Variants in NEK1 observed in about 807,000 individuals in gnomAD.
NEK1 encodes NIMA related kinase 1.
A neutral mutation model predicts 182.1 loss-of-function variants in NEK1; 137 were observed. The ratio of observed to expected loss-of-function variants is 0.75; its 90% CI spans 0.65 to 0.87. NEK1 has a LOEUF of 0.87. Among genes scored for constraint, NEK1 ranks in the 40% least tolerant of loss-of-function variants. NEK1 has a pLI of 0.00. For missense variants in NEK1, 1,391 were observed against 1,494.4 expected (o/e 0.93, Z 1.14); for synonymous variants, 513 against 492.2 (o/e 1.04, Z -0.56).
intron 26 of NEK1, among the ~76,000 whole-genome samples, chr4:169,472,348 T>A (rs1370321103): frequency 6.6e-6 from 1 of 152,122 alleles, no homozygotes; most frequent in African/African-American, 2.4e-5. Flanking sequence ...GCACCGTCCC[T>A]CACGGCACAG....
intron 31 of NEK1, among the ~76,000 whole-genome samples, chr4:169,412,342 G>A (rs1211247060): frequency 1.3e-5 from 2 of 152,174 alleles, no homozygotes; most frequent in Non-Finnish European, 2.9e-5. Context: ...CTTATCACCT[G>A]TCCTACCTTT....
chr4:169,576,012 G>A (rs1765634209), intron 12 of NEK1, among the ~76,000 whole-genome samples: 1 of 150,128 alleles, frequency 6.7e-6, no homozygotes, highest in African/African-American at 2.5e-5. Flanking sequence ...CACCCAGGCT[G>A]TAGTGCAGTG....
chr4:169,564,349 T>G (rs556804072), intron 12 of NEK1, among the ~76,000 whole-genome samples: 87 of 152,228 alleles, frequency 5.7e-4, no homozygotes, highest in African/African-American at 1.9e-3. Flanking sequence ...AGTAAAATAA[T>G]CCAGCATTTG....
chr4:169,608,003 A>G (rs1771671429), intron 2 of NEK1, among the ~76,000 whole-genome samples: 1 of 152,156 alleles, frequency 6.6e-6, no homozygotes, highest in South Asian at 2.1e-4. Context: ...ACTTAATATC[A>G]TAAAGATTTT....
At chr4:169,480,160 T>C (rs1329220081) in intron 23 of NEK1, among the ~76,000 whole-genome samples, 3 of 152,192 alleles carry the variant, frequency 2.0e-5, no homozygotes, top group Non-Finnish European at 4.4e-5. Context: ...GTTTACTCCC[T>C]ACTCCCTATT....
intron 32 of NEK1, among the ~76,000 whole-genome samples, chr4:169,405,724 C>CTTG (rs1732475456): frequency 6.6e-6 from 1 of 151,662 alleles, no homozygotes. Context: ...GCCTCAAACT[C>CTTG]TTGGGCTCAA....
At chr4:169,464,699 T>C (rs1208009835) in intron 26 of NEK1, among the ~76,000 whole-genome samples, 1 of 151,908 alleles carries the variant, frequency 6.6e-6, no homozygotes, top group African/African-American at 2.4e-5. Context: ...AATATAAAAA[T>C]AGAAGAAACA....
At chr4:169,577,139 A>G in intron 11 of NEK1, 60 bp from the exon 12 acceptor site, 1 of 1,519,790 alleles carries the variant, frequency 6.6e-7, no homozygotes, top group Non-Finnish European at 9.1e-7. Context: ...CTTTACTTTC[A>G]GAATTCTTCA....
chr4:169,419,228 T>C (rs920558540), intron 31 of NEK1, among the ~76,000 whole-genome samples: 2 of 152,064 alleles, frequency 1.3e-5, no homozygotes, highest in African/African-American at 4.8e-5. Flanking sequence ...AAAGCTCACA[T>C]ATTTCTTAGA....
At chr4:169,448,299 G>A (rs549080383) in intron 27 of NEK1, among the ~76,000 whole-genome samples, 1 of 152,262 alleles carries the variant, frequency 6.6e-6, no homozygotes, top group African/African-American at 2.4e-5. Context: ...GTTGAAAAGT[G>A]AGGGACAAAG....
chr4:169,515,503 T>C (rs1300909420), intron 19 of NEK1, among the ~76,000 whole-genome samples: 4 of 115,824 alleles, frequency 3.5e-5, no homozygotes, highest in East Asian at 2.8e-4. Context: ...ATAACTTCTT[T>C]TTTTTTTTTT....
At chr4:169,541,521 G>A (rs1056772777) in intron 18 of NEK1, among the ~76,000 whole-genome samples, 3 of 152,088 alleles carry the variant, frequency 2.0e-5, no homozygotes, top group African/African-American at 7.2e-5. Flanking sequence ...GGCAAATATA[G>A]GTGATTATGA....
rs774183115 is a variant in NEK1, at chr4:169,495,239, C to CTTT, written c.2007+11795_2007+11797dup. 7.7e-3 allele frequency among the ~76,000 whole-genome samples: 816 copies of CTTT among 105,384 alleles called. 17 individuals carry two copies. The highest frequency in any genetic ancestry group is 0.012 in the Non-Finnish European group (623 of 51,480). 69.1% of individuals were successfully genotyped at this position (105,384 alleles called of 152,430 possible). The stretch of plus-strand genomic sequence containing the variant: ...ATGGTTTTAGGTCTAACATTTAAGT[C>CTTT]TTTTTTTTTTTTTTTTTTTTTTGAG... On this transcript the variant is annotated intron_variant, in intron 23 of 35. Coordinates refer to ENST00000507142, the MANE Select transcript of NEK1 (RefSeq NM_001199397.3).
chr4:169,454,878 T>C (rs1742549352), intron 27 of NEK1, among the ~76,000 whole-genome samples: 2 of 152,170 alleles, frequency 1.3e-5, no homozygotes, highest in African/African-American at 4.8e-5. Flanking sequence ...CACATGCACA[T>C]GTATGTTTAT....
rs918258490 is a variant in NEK1 at position 169,571,183 on chromosome 4, T to A, written c.1020+5745A>T. Among the ~76,000 whole-genome samples, 155 of 77,992 alleles carry A rather than the reference T, an allele frequency of 2.0e-3. 1 individual carries two copies. Among genetic ancestry groups the A allele is most frequent in the African/African-American group, 8.3e-3 (130 of 15,684 alleles). The allele number at this position is 77,992 out of a possible 152,430, so 51.2% of individuals were successfully genotyped here. On this transcript the variant is annotated intron_variant, in intron 12 of 35. Coordinates refer to ENST00000507142, the MANE Select transcript of NEK1 (RefSeq NM_001199397.3). Reference sequence around the variant, plus strand: ...CACCCAAGAATGATCAATAAAAAAATAAATAAATAAATAAATAAATAAATA... The same window carrying A: ...CACCCAAGAATGATCAATAAAAAAAAAAATAAATAAATAAATAAATAAATA...
intron 6 of NEK1, among the ~76,000 whole-genome samples, chr4:169,589,813 A>G (rs1199056866): frequency 6.6e-6 from 1 of 152,192 alleles, no homozygotes; most frequent in East Asian, 1.9e-4. Context: ...CAAAAGCACA[A>G]GCAAAAAAAT....
At chr4:169,503,372 A>C (rs1157216559) in intron 23 of NEK1, among the ~76,000 whole-genome samples, 1 of 151,998 alleles carries the variant, frequency 6.6e-6, no homozygotes, top group Non-Finnish European at 1.5e-5. Flanking sequence ...AAATAAAAAA[A>C]CCTAAAATTC....
At chr4:169,494,038 G>A (rs1005947589) in intron 23 of NEK1, among the ~76,000 whole-genome samples, 1 of 151,276 alleles carries the variant, frequency 6.6e-6, no homozygotes, top group African/African-American at 2.4e-5. Context: ...AAGGCAGCTA[G>A]AGAAAAGAAC....
At chr4:169,441,451 T>A (rs1201967939) in intron 27 of NEK1, among the ~76,000 whole-genome samples, 7 of 152,216 alleles carry the variant, frequency 4.6e-5, no homozygotes, top group African/African-American at 1.4e-4. Flanking sequence ...TGCCTGCTGA[T>A]GCAGGTGCCT....
Sources: gnomAD v4.1 joint callset for allele counts (sites outside exome capture counted in the v4.1 genomes callset) on GRCh38, gnomAD v4.1.1 for gene constraint, MANE v1.5 for transcripts, NCBI Gene and HGNC (gene_info 2026-07-23, HGNC 2026-07-21) for gene names.